TGFBR2: variants seen among roughly 807,000 people sequenced by gnomAD.
The protein encoded by TGFBR2 is transforming growth factor beta receptor 2.
TGFBR2 carries 18 observed loss-of-function variants against 49.0 expected under a neutral mutation model. That is an observed-to-expected ratio of 0.37 (90% CI 0.25 to 0.54). The LOEUF is 0.54. Ranked by LOEUF, TGFBR2 falls within the 20% of genes least tolerant of loss-of-function variation. The pLI, the probability that TGFBR2 is intolerant of heterozygous loss-of-function variation, is 0.85. For missense variants in TGFBR2, 525 were observed against 722.6 expected, an observed-to-expected ratio of 0.73 and a Z score of 3.13; for synonymous variants, 282 against 275.9, an observed-to-expected ratio of 1.02 and a Z score of -0.22.
rs529165238 is a variant in TGFBR2, at chr3:30,669,468, G to A, written c.455-2170G>A. On this transcript the variant is annotated intron_variant, in intron 3 of 6. Coordinates refer to ENST00000295754, the MANE Select transcript of TGFBR2 (RefSeq NM_003242.6). ...AAAGGAGTCTCCAAGCGGAAAGGAC[G>A]GGCCAGTGGTGAATGTGCTGGATTT... Among the ~76,000 whole-genome samples the A allele has an allele frequency of 7.2e-5, 11 of 152,188 alleles. No homozygotes were observed. The South Asian group carries it at 1.9e-3, about 26-fold the overall frequency.
At chr3:30,690,119 G>T (rs182846350) in intron 6 of TGFBR2, among the ~76,000 whole-genome samples, 1 of 152,228 alleles carries the variant, frequency 6.6e-6, no homozygotes, top group East Asian at 1.9e-4. Context: ...AAAAGTGCCA[G>T]CTCTCCCAGG....
intron 3 of TGFBR2, among the ~76,000 whole-genome samples, chr3:30,658,048 G>A (rs143548688): frequency 1.3e-5 from 2 of 152,178 alleles, no homozygotes. Context: ...GCTTTGCAGG[G>A]CAGAGTCTCT....
intron 1 of TGFBR2, among the ~76,000 whole-genome samples, chr3:30,638,045 T>C (rs1012460220): frequency 4.3e-4 from 65 of 152,266 alleles, no homozygotes; most frequent in African/African-American, 1.6e-3. Flanking sequence ...AAATATGGTA[T>C]GCATTTTTAA....
At chr3:30,609,460 C>A (rs971201449) in intron 1 of TGFBR2, among the ~76,000 whole-genome samples, 1 of 152,122 alleles carries the variant, frequency 6.6e-6, no homozygotes, top group Non-Finnish European at 1.5e-5. Context: ...TGTTTAGTAG[C>A]TTCTGTACTT....
At chr3:30,678,190 A>G (rs562986547) in intron 5 of TGFBR2, among the ~76,000 whole-genome samples, 201 of 152,248 alleles carry the variant, frequency 1.3e-3, no homozygotes, top group Middle Eastern at 6.8e-3. Context: ...CTTCTGTGAC[A>G]TGAAAGGCTT....
intron 1 of TGFBR2, among the ~76,000 whole-genome samples, chr3:30,621,532 C>T (rs373108838): frequency 5.9e-5 from 9 of 152,154 alleles, no homozygotes; most frequent in African/African-American, 1.4e-4. Context: ...CCACCCTCCT[C>T]GGCTTCCCAA....
chr3:30,664,244 G>A (rs1488189669), intron 3 of TGFBR2, among the ~76,000 whole-genome samples: 3 of 151,554 alleles, frequency 2.0e-5, no homozygotes, highest in South Asian at 2.1e-4. Context: ...TCAGCCTCAC[G>A]AAGTGCTGGG....
chr3:30,630,692 G>A (rs571209502), intron 1 of TGFBR2, among the ~76,000 whole-genome samples: 5 of 152,276 alleles, frequency 3.3e-5, no homozygotes, highest in Non-Finnish European at 5.9e-5. Flanking sequence ...ATCAAGAGAC[G>A]GAGATTTGGG....
intron 1 of TGFBR2, among the ~76,000 whole-genome samples, chr3:30,643,192 G>A (rs1698674991): frequency 6.6e-6 from 1 of 152,216 alleles, no homozygotes; most frequent in Non-Finnish European, 1.5e-5. Context: ...GGCAAGAGCG[G>A]AGGGAACATG....
At chr3:30,658,899 C>A (rs1699057466) in intron 3 of TGFBR2, among the ~76,000 whole-genome samples, 1 of 152,152 alleles carries the variant, frequency 6.6e-6, no homozygotes, top group South Asian at 2.1e-4. Flanking sequence ...TCCAGCAAAC[C>A]CACTCTGTGT....
intron 1 of TGFBR2, among the ~76,000 whole-genome samples, chr3:30,637,237 A>C (rs896289349): frequency 6.6e-6 from 1 of 152,156 alleles, no homozygotes; most frequent in African/African-American, 2.4e-5. Context: ...CCACCACAAA[A>C]TGGGAGAAAC....
intron 3 of TGFBR2, among the ~76,000 whole-genome samples, chr3:30,663,059 G>A (rs983033829): frequency 5.9e-5 from 9 of 152,100 alleles, no homozygotes; most frequent in South Asian, 2.1e-4. Flanking sequence ...TTAGAATAAC[G>A]AGGTGACAAG....
intron 1 of TGFBR2, among the ~76,000 whole-genome samples, chr3:30,618,479 G>A (rs957748755): frequency 1.3e-4 from 19 of 150,746 alleles, no homozygotes; most frequent in African/African-American, 4.2e-4. Context: ...CTCGTGATCC[G>A]CCCGCCTCGG....
At chr3:30,674,299 A>G in intron 5 of TGFBR2, 53 bp downstream of exon 5, 3 of 1,607,362 alleles carry the variant, frequency 1.9e-6, no homozygotes, top group Non-Finnish European at 2.6e-6. Flanking sequence ...TCAAAATAAG[A>G]TCATGTGTTG....
chr3:30,631,621 CTTTTTTT>C (rs71093918), intron 1 of TGFBR2, among the ~76,000 whole-genome samples: 1 of 115,382 alleles, frequency 8.7e-6, no homozygotes, highest in African/African-American at 3.1e-5. Flanking sequence ...CAACTTCTTT[CTTTTTTT>C]TTTTTTTTTT....
intron 3 of TGFBR2, among the ~76,000 whole-genome samples, chr3:30,651,231 T>G (rs1331671821): frequency 6.6e-6 from 1 of 152,220 alleles, no homozygotes; most frequent in Non-Finnish European, 1.5e-5. Flanking sequence ...CAACAGTGTG[T>G]GAAAATTAAA....
At chr3:30,622,857 G>A (rs1698256635) in intron 1 of TGFBR2, among the ~76,000 whole-genome samples, 1 of 130,886 alleles carries the variant, frequency 7.6e-6, no homozygotes, top group Admixed American at 8.8e-5. Context: ...TCCAGCCTGG[G>A]CAACAGAGCG....
At chr3:30,680,695 A>G (rs1699523999) in intron 5 of TGFBR2, among the ~76,000 whole-genome samples, 1 of 152,202 alleles carries the variant, frequency 6.6e-6, no homozygotes, top group Admixed American at 6.5e-5. Context: ...TACAAAAGAA[A>G]AAAAAAAGAA....
At chr3:30,664,346 A>G (rs569704143) in intron 3 of TGFBR2, among the ~76,000 whole-genome samples, 4 of 152,036 alleles carry the variant, frequency 2.6e-5, no homozygotes, top group East Asian at 3.9e-4. Flanking sequence ...CCACCAAGCT[A>G]TCTCCTTAAC....
Sources: gnomAD v4.1 joint callset for allele counts (sites outside exome capture counted in the v4.1 genomes callset) on GRCh38, gnomAD v4.1.1 for gene constraint, MANE v1.5 for transcripts, NCBI Gene and HGNC (gene_info 2026-07-23, HGNC 2026-07-21) for gene names.